Variants in MCM10 observed in about 807,000 individuals in gnomAD.
MCM10 encodes protein MCM10 homolog.
A neutral mutation model predicts 109.9 loss-of-function variants in MCM10; 91 were observed. The observed-to-expected ratio is 0.83, with a 90% CI of 0.70 to 0.99. MCM10 has a LOEUF of 0.99. Ranked by LOEUF, MCM10 falls within the 50% of genes least tolerant of loss-of-function variation. The pLI, the probability that MCM10 is intolerant of heterozygous loss-of-function variation, is 0.00. For synonymous variants in MCM10, 380 were observed against 387.2 expected, an observed-to-expected ratio of 0.98 and a Z score of 0.22; for missense variants, 1,077 against 1,061.2, an observed-to-expected ratio of 1.01 and a Z score of -0.21.
intron 6 of MCM10, among the ~76,000 whole-genome samples, chr10:13,178,207 C>T (rs1287888747): frequency 6.6e-6 from 1 of 152,086 alleles, no homozygotes; most frequent in Non-Finnish European, 1.5e-5. Flanking sequence ...GATTCTCTTG[C>T]CTCTCAGCCT....
At chr10:13,193,476 T>C (rs949715481) in intron 13 of MCM10, among the ~76,000 whole-genome samples, 5 of 152,154 alleles carry the variant, frequency 3.3e-5, no homozygotes, top group Admixed American at 1.3e-4. Context: ...TTACTAATAG[T>C]GTGCCTGGAG....
chr10:13,164,378 C>G (rs1440826831), intron 2 of MCM10, among the ~76,000 whole-genome samples, 169 bp downstream of exon 2: 1 of 152,226 alleles, frequency 6.6e-6, no homozygotes, highest in Non-Finnish European at 1.5e-5. Context: ...CTGAATGTTA[C>G]TTGCTTTTAT....
At chr10:13,202,641 C>T (rs1834515240) in intron 17 of MCM10, among the ~76,000 whole-genome samples, 3 of 152,220 alleles carry the variant, frequency 2.0e-5, no homozygotes, top group East Asian at 3.9e-4. Context: ...TTCTTTTAAA[C>T]GTAATCTTTG....
intron 2 of MCM10, among the ~76,000 whole-genome samples, chr10:13,166,661 CATATATATATATAT>C (rs60500036): frequency 1.1e-5 from 1 of 89,714 alleles, no homozygotes; most frequent in African/African-American, 5.5e-5. Flanking sequence ...TACATACATA[CATATATATATATAT>C]ATATATATAT....
In MCM10 at chr10:13,192,527, G is replaced by A. The variant is rs1834362183; in HGVS notation, c.1704G>A (p.Met568Ile). 1 of 1,614,214 alleles carries A rather than the reference G, an allele frequency of 6.2e-7. No homozygotes were observed. The highest frequency in any genetic ancestry group is 8.5e-7 in the Non-Finnish European group (1 of 1,180,054). ...SALLKQQKQR[M>I]LEMRRRKSEE... ...TCTTGAAGCAACAGAAGCAGCGGAT[G>A]TTGGAGATGAGGAGAAGGAAATCAG... is the stretch of plus-strand genomic sequence containing the variant. Residue 568 changes from methionine (M) to isoleucine (I), a missense_variant, in exon 13 of 20, where the codon ATG becomes ATA. Met to Ile is a conservative substitution (Grantham distance 10, BLOSUM62 1). Coordinates refer to ENST00000378714, the MANE Select transcript of MCM10 (RefSeq NM_018518.5).
intron 5 of MCM10, among the ~76,000 whole-genome samples, chr10:13,173,210 A>G (rs1409368002): frequency 3.9e-5 from 6 of 152,166 alleles, no homozygotes; most frequent in African/African-American, 1.4e-4. Flanking sequence ...AGAAAAGGAA[A>G]ATCCTTAGGT....
Position 13,182,471 on chromosome 10 carries a change from G to A in MCM10, c.931-462G>A, listed in dbSNP as rs966266868. Among the ~76,000 whole-genome samples, 2 of 152,036 alleles carry A rather than the reference G, an allele frequency of 1.3e-5. No homozygotes were observed. Among genetic ancestry groups the A allele is most frequent in the Non-Finnish European group, 2.9e-5 (2 of 68,002 alleles). On this transcript the variant is annotated intron_variant, in intron 7 of 19. Transcript: ENST00000378714. The surrounding 1 kb of genome is among the most constrained non-coding windows in gnomAD (Gnocchi z 4.2). ...AACCTGGATGACAGAGCAAGACTCT[G>A]TCTCTAAAAATAATAATCATCATAT...
At chr10:13,192,108 A>G in intron 11 of MCM10, 147 bp from the exon 12 acceptor site, 2 of 597,446 alleles carry the variant, frequency 3.3e-6, no homozygotes, top group Non-Finnish European at 6.0e-6. Context: ...GATAGAGGTT[A>G]AGGATTCTTT....
At chr10:13,183,786 G>T (rs1834239576) in intron 8 of MCM10, among the ~76,000 whole-genome samples, 2 of 152,060 alleles carry the variant, frequency 1.3e-5, no homozygotes, top group African/African-American at 4.8e-5. Context: ...CTGGGCGTAA[G>T]TGATACTTCC....
chr10:13,170,214 G>T (rs928815422), intron 2 of MCM10, among the ~76,000 whole-genome samples: 1 of 152,188 alleles, frequency 6.6e-6, no homozygotes, highest in Non-Finnish European at 1.5e-5. Context: ...TGGGAAGTGG[G>T]GGCAGTGGTC....
rs944656378 is a variant in MCM10, at chr10:13,210,566, G to A, written c.*1256G>A. 6.6e-6 allele frequency: 1 copy of A among 152,110 alleles called. No homozygotes were observed. The highest frequency in any genetic ancestry group is 1.5e-5 in the Non-Finnish European group (1 of 68,028). 9.4% of individuals were successfully genotyped at this position (152,110 alleles called of 1,614,324 possible). A position where few individuals can be genotyped will look rare whatever the true frequency, so the allele number is the denominator to read the frequency against. On this transcript the variant is annotated 3_prime_UTR_variant, in exon 20 of 20. Coordinates refer to ENST00000378714, the MANE Select transcript of MCM10 (RefSeq NM_018518.5). ...CATAACACTTTTGGGAGGTTGTTGTGGGAGATGGTTGATTTAGGTTTTCAA... is the reference window on the plus strand; with the variant it reads ...CATAACACTTTTGGGAGGTTGTTGTAGGAGATGGTTGATTTAGGTTTTCAA...
intron 1 of MCM10, among the ~76,000 whole-genome samples, chr10:13,162,379 A>G (rs1833938139): frequency 6.6e-6 from 1 of 152,226 alleles, no homozygotes; most frequent in East Asian, 1.9e-4. Flanking sequence ...AGGGACCCCC[A>G]TGATCTGATT....
At chr10:13,177,766 G>A (rs1405152087) in intron 6 of MCM10, among the ~76,000 whole-genome samples, 4 of 151,722 alleles carry the variant, frequency 2.6e-5, no homozygotes, top group African/African-American at 9.7e-5. Context: ...CTGCTTGGTA[G>A]GCTGAGTGGG....
chr10:13,194,554 CA>C (rs202056329), intron 13 of MCM10, among the ~76,000 whole-genome samples: 1 of 151,134 alleles, frequency 6.6e-6, no homozygotes, highest in Non-Finnish European at 1.5e-5. Flanking sequence ...TCAAAAAAAT[CA>C]AAAAAAAGAA....
intron 6 of MCM10, among the ~76,000 whole-genome samples, chr10:13,179,483 TG>T (rs1183519256): frequency 2.0e-5 from 3 of 152,240 alleles, no homozygotes; most frequent in Non-Finnish European, 2.9e-5. Context: ...GTCAGTGTTT[TG>T]CTTCCTGAAT....
In MCM10 at chr10:13,175,750, A is replaced by G; in HGVS notation, c.764+69A>G. On this transcript the variant is annotated intron_variant, in intron 6 of 19. Transcript: ENST00000378714. ...TTTTGTGCCTCTCGGAGTCCTTTAG[A>G]AGTAGTGTGTTTATACATCAGGATC... The G allele has an allele frequency of 3.6e-6, 4 of 1,109,466 alleles. No homozygotes were observed. The South Asian group carries it at 6.0e-5, about 17-fold the overall frequency. 68.7% of individuals were successfully genotyped at this position (1,109,466 alleles called of 1,614,324 possible).
chr10:13,191,214 A>G, intron 10 of MCM10, 85 bp from the exon 11 acceptor site: 1 of 886,348 alleles, frequency 1.1e-6, no homozygotes, highest in Non-Finnish European at 1.9e-6. Context: ...TGTGTGTAAT[A>G]AATGATGATA....
At chr10:13,197,835 A>G (rs1475130173) in intron 15 of MCM10, 68 bp downstream of exon 15, 25 of 1,503,872 alleles carry the variant, frequency 1.7e-5, no homozygotes, top group Non-Finnish European at 2.2e-5. Flanking sequence ...TTCTAAACCC[A>G]AACCAGCACC....
chr10:13,164,217 C>G lies in MCM10; in HGVS notation c.7+8C>G, dbSNP rs773180981. On this transcript the variant is annotated splice_region_variant and intron_variant, in intron 2 of 19. Transcript: ENST00000378714. ...CTCTTGACAGCATGGATGGTAAGAC[C>G]TGGCAGTTTTCTGTTACTCTGTTTC... is the stretch of plus-strand genomic sequence containing the variant. 5 of 1,596,230 alleles carry G rather than the reference C, an allele frequency of 3.1e-6. No individual in the cohort carries two copies. The highest frequency in any genetic ancestry group is 4.3e-6 in the Non-Finnish European group (5 of 1,175,174).
Sources: allele counts gnomAD v4.1 joint callset (sites outside exome capture counted in the v4.1 genomes callset), GRCh38; gene constraint gnomAD v4.1.1; non-coding constraint Gnocchi (gnomAD v3.1); transcripts MANE v1.5; gene names NCBI Gene and HGNC (gene_info 2026-07-23, HGNC 2026-07-21).